The following LPAR1 variants were observed in gnomAD, a reference collection of about 807,000 sequenced individuals.
LPAR1 encodes the protein LPA receptor 1.
A neutral mutation model predicts 23.8 loss-of-function variants in LPAR1; 5 were observed. That is an observed-to-expected ratio of 0.21 (90% CI 0.11 to 0.44). The LOEUF is 0.44. Among genes scored for constraint, LPAR1 ranks in the 20% least tolerant of loss-of-function variants. LPAR1 has a pLI of 0.99. For synonymous variants in LPAR1, 160 were observed against 164.7 expected (o/e 0.97, Z 0.22); for missense variants, 311 against 482.8 (o/e 0.64, Z 3.33).
chr9:110,912,020 C>A (rs2092506919), intron 5 of LPAR1, among the ~76,000 whole-genome samples: 1 of 152,032 alleles, frequency 6.6e-6, no homozygotes. Context: ...AAGGCAGAAA[C>A]CCTTGGGTGA....
At position 110,950,103 on chromosome 9, in the gene LPAR1, C is replaced by A. The variant is rs1286003798; in HGVS notation, c.46-7935G>T. On this transcript the variant is annotated intron_variant, in intron 4 of 5. Transcript: ENST00000683809. ...ACTAATTGTCATATTTAAGCATTCA[C>A]TTTCAAAACATTCATATCATATTTA... is the stretch of plus-strand genomic sequence containing the variant. Among the ~76,000 whole-genome samples the A allele has an allele frequency of 2.0e-5, 3 of 152,142 alleles. No homozygotes were observed. The East Asian group carries it at 5.8e-4, about 29-fold the overall frequency.
At chr9:111,038,788 C>G, upstream of LPAR1, 1 of 332,864 alleles carries the variant, frequency 3.0e-6, no homozygotes, top group Non-Finnish European at 6.0e-6. The surrounding 1 kb of genome is among the most constrained non-coding windows in gnomAD (Gnocchi z 4.4). Context: ...GCCTCCCCCG[C>G]CCCGCCCCCG....
At chr9:110,881,024 GGT>G (rs1457768103) in intron 5 of LPAR1, among the ~76,000 whole-genome samples, 1 of 152,012 alleles carries the variant, frequency 6.6e-6, no homozygotes, top group Non-Finnish European at 1.5e-5. Flanking sequence ...TTATAATGGG[GGT>G]GTATGTGGAT....
intron 5 of LPAR1, among the ~76,000 whole-genome samples, chr9:110,912,312 G>A (rs185349193): frequency 6.6e-6 from 1 of 152,120 alleles, no homozygotes. Flanking sequence ...CTTGAACATT[G>A]CCAGGAATCT....
At chr9:110,946,736 G>A (rs1302097970) in intron 4 of LPAR1, among the ~76,000 whole-genome samples, 2 of 151,880 alleles carry the variant, frequency 1.3e-5, no homozygotes, top group African/African-American at 4.8e-5. Flanking sequence ...AAAACCCACA[G>A]AACATGATTC....
intron 5 of LPAR1, among the ~76,000 whole-genome samples, chr9:110,898,269 T>C (rs2133677057): frequency 6.6e-6 from 1 of 152,368 alleles, no homozygotes; most frequent in African/African-American, 2.4e-5. Context: ...ATGTGTCTGT[T>C]GGACTTTTCC....
chr9:111,038,300 G>C lies in LPAR1; in HGVS notation c.-395C>G, dbSNP rs2097937653. On this transcript the variant is annotated 5_prime_UTR_variant, in exon 1 of 6. Coordinates refer to ENST00000683809, the MANE Select transcript of LPAR1 (RefSeq NM_001351411.2). The surrounding 1 kb of genome is among the most constrained non-coding windows in gnomAD (Gnocchi z 4.4). ...CCGCCCGCCCCTCGGCAGTCGCCCA[G>C]AGCGGGGCCGCCCCCTGCGCCCACC... 6.7e-6 allele frequency: 1 copy of C among 148,980 alleles called. No individual in the cohort carries two copies. Among genetic ancestry groups the C allele is most frequent in the African/African-American group, 2.4e-5 (1 of 41,070 alleles). 9.2% of individuals were successfully genotyped at this position (148,980 alleles called of 1,614,324 possible).
At chr9:111,032,959 C>A (rs1343852698) in intron 2 of LPAR1, among the ~76,000 whole-genome samples, 1 of 152,142 alleles carries the variant, frequency 6.6e-6, no homozygotes, top group African/African-American at 2.4e-5. Flanking sequence ...CCTTTATTTT[C>A]ATAATACAAC....
At chr9:110,976,045 C>A (rs2096546471) in intron 2 of LPAR1, among the ~76,000 whole-genome samples, 1 of 152,030 alleles carries the variant, frequency 6.6e-6, no homozygotes, top group African/African-American at 2.4e-5. Context: ...CTGCACAAAT[C>A]ATGGGGGAAC....
At chr9:110,943,596 A>T (rs2095257624) in intron 4 of LPAR1, among the ~76,000 whole-genome samples, 1 of 152,174 alleles carries the variant, frequency 6.6e-6, no homozygotes, top group Admixed American at 6.5e-5. Context: ...ACAGTGGCTC[A>T]CATCTGTAAT....
chr9:110,898,213 A>C (rs2133674428), intron 5 of LPAR1, among the ~76,000 whole-genome samples: 2 of 152,334 alleles, frequency 1.3e-5, no homozygotes, highest in East Asian at 1.9e-4. Context: ...TTCTGGACCA[A>C]GTTATTTTTT....
At chr9:110,888,023 G>A (rs889894608) in intron 5 of LPAR1, among the ~76,000 whole-genome samples, 2 of 152,280 alleles carry the variant, frequency 1.3e-5, no homozygotes, top group African/African-American at 4.8e-5. Flanking sequence ...AATTCCATCA[G>A]TTTAGGTATT....
chr9:110,976,952 TTC>T (rs1327301238), intron 2 of LPAR1, among the ~76,000 whole-genome samples: 2 of 152,228 alleles, frequency 1.3e-5, no homozygotes, highest in African/African-American at 4.8e-5. Flanking sequence ...ATAAGCTTAT[TTC>T]TTTGTGCCAG....
intron 4 of LPAR1, among the ~76,000 whole-genome samples, chr9:110,955,474 T>C (rs930366566): frequency 3.3e-5 from 5 of 152,104 alleles, no homozygotes; most frequent in African/African-American, 1.2e-4. Context: ...AATACAATAA[T>C]GGTTGGTGAC....
intron 5 of LPAR1, among the ~76,000 whole-genome samples, chr9:110,895,446 T>A (rs75067489): frequency 0.02 from 3,032 of 152,324 alleles, 96 homozygotes; most frequent in African/African-American, 0.066. Context: ...CGGGGCCCCC[T>A]AGTCAGGGCC....
rs1164978718 is a variant in LPAR1, at chr9:110,874,749, T to C, written c.*672A>G. The C allele has an allele frequency of 6.6e-6, 1 of 152,662 alleles. No individual in the cohort carries two copies. The allele number at this position is 152,662 out of a possible 1,614,324, so 9.5% of individuals were successfully genotyped here. ...AACAGTTAATATTGTGATTAGAGCA[T>C]TGTTTGCTTCATGACCTAAACAAAT... On this transcript the variant is annotated 3_prime_UTR_variant, in exon 6 of 6. Transcript: ENST00000683809.
chr9:110,959,170 C>CAAAAAAAA lies in LPAR1; in HGVS notation c.45+12895_45+12902dup, dbSNP rs1186318362. Among the ~76,000 whole-genome samples the CAAAAAAAA allele has an allele frequency of 1.9e-3, 152 of 81,084 alleles. 5 individuals carry two copies. Among genetic ancestry groups the CAAAAAAAA allele is most frequent in the South Asian group, 6.0e-3 (13 of 2,176 alleles). 53.2% of individuals were successfully genotyped at this position (81,084 alleles called of 152,430 possible). A position where few individuals can be genotyped will look rare whatever the true frequency, so the allele number is the denominator to read the frequency against. ...AAAAAACAGTATGAAGATGTCTCTA[C>CAAAAAAAA]AAAAAAAAAAAAAAACCACTAAAAC... On this transcript the variant is annotated intron_variant, in intron 4 of 5. Coordinates refer to ENST00000683809, the MANE Select transcript of LPAR1 (RefSeq NM_001351411.2).
intron 5 of LPAR1, among the ~76,000 whole-genome samples, chr9:110,940,920 T>C (rs1194789638): frequency 6.6e-6 from 1 of 152,238 alleles, no homozygotes; most frequent in Non-Finnish European, 1.5e-5. Context: ...ATATCATTAA[T>C]TCCAATCTGT....
chr9:111,021,514 GA>G (rs1329520879), intron 2 of LPAR1, among the ~76,000 whole-genome samples: 1 of 151,980 alleles, frequency 6.6e-6, no homozygotes, highest in Non-Finnish European at 1.5e-5. Context: ...ATAAAATGTG[GA>G]ATATATATAA....
Sources: allele counts gnomAD v4.1 joint callset (sites outside exome capture counted in the v4.1 genomes callset), GRCh38; gene constraint gnomAD v4.1.1; non-coding constraint Gnocchi (gnomAD v3.1); transcripts MANE v1.5; gene names NCBI Gene and HGNC (gene_info 2026-07-23, HGNC 2026-07-21).